Variants in BCL2 observed in about 807,000 individuals in gnomAD.
BCL2 encodes apoptosis regulator Bcl-2.
A neutral mutation model predicts 14.2 loss-of-function variants in BCL2; 1 was observed. The ratio of observed to expected loss-of-function variants is 0.07; its 90% confidence interval spans 0.02 to 0.33. The LOEUF (loss-of-function observed/expected upper bound fraction) is 0.33, where lower values mean the gene tolerates loss of function less well. Ranked by LOEUF, BCL2 falls within the 10% of genes least tolerant of loss-of-function variation. The pLI, the probability that BCL2 is intolerant of heterozygous loss-of-function variation, is 0.99. For missense variants in BCL2, 247 were observed against 305.9 expected, an observed-to-expected ratio of 0.81 and a Z score of 1.44; for synonymous variants, 151 against 137.2, an observed-to-expected ratio of 1.10 and a Z score of -0.70.
At chr18:63,239,599 G>T (rs1187285018) in intron 2 of BCL2, among the ~76,000 whole-genome samples, 3 of 152,126 alleles carry the variant, frequency 2.0e-5, no homozygotes, top group African/African-American at 7.2e-5. Flanking sequence ...AATTAGCCGG[G>T]CATGGCAATG....
In BCL2 at chr18:63,125,720, T is replaced by C. The variant is rs988500550; in HGVS notation, c.*2905A>G. On this transcript the variant is annotated 3_prime_UTR_variant, in exon 3 of 3. Coordinates refer to ENST00000333681, the MANE Select transcript of BCL2 (RefSeq NM_000633.3). ...AAAAAATGACTAGTTGAGGCTTTTA[T>C]ATACATTCATTGCTTCTAACATGTT... 1 of 214,052 alleles carries C rather than the reference T, an allele frequency of 4.7e-6. No homozygotes were observed. The highest frequency in any genetic ancestry group is 2.3e-5 in the African/African-American group (1 of 44,210). 13.3% of individuals were successfully genotyped at this position (214,052 alleles called of 1,614,324 possible). A position where few individuals can be genotyped will look rare whatever the true frequency, so the allele number is the denominator to read the frequency against.
intron 2 of BCL2, among the ~76,000 whole-genome samples, chr18:63,256,948 GA>G (rs1193311909): frequency 2.0e-5 from 3 of 152,124 alleles, no homozygotes; most frequent in African/African-American, 4.8e-5. Flanking sequence ...TGCCAAATGG[GA>G]AAAATGAGGG....
At chr18:63,226,620 A>G (rs1447179670) in intron 2 of BCL2, among the ~76,000 whole-genome samples, 1 of 152,208 alleles carries the variant, frequency 6.6e-6, no homozygotes, top group Admixed American at 6.5e-5. Flanking sequence ...TTGTGAAAAA[A>G]TACATGCTGT....
At chr18:63,159,528 T>C (rs1914865255) in intron 2 of BCL2, among the ~76,000 whole-genome samples, 1 of 152,214 alleles carries the variant, frequency 6.6e-6, no homozygotes, top group Non-Finnish European at 1.5e-5. Flanking sequence ...TACTTTCCAT[T>C]TTTACAAATG....
At chr18:63,171,015 G>C (rs887038659) in intron 2 of BCL2, among the ~76,000 whole-genome samples, 1 of 152,180 alleles carries the variant, frequency 6.6e-6, no homozygotes, top group African/African-American at 2.4e-5. Flanking sequence ...ATTTATTTTT[G>C]AAATAATGCT....
chr18:63,166,250 G>C (rs1370844248), intron 2 of BCL2, among the ~76,000 whole-genome samples: 1 of 152,232 alleles, frequency 6.6e-6, no homozygotes, highest in Non-Finnish European at 1.5e-5. Flanking sequence ...CCAGAGTGGG[G>C]AGAAGGATCC....
chr18:63,234,895 A>C (rs1365099519), intron 2 of BCL2, among the ~76,000 whole-genome samples: 1 of 152,242 alleles, frequency 6.6e-6, no homozygotes, highest in African/African-American at 2.4e-5. Flanking sequence ...CAACAAAATA[A>C]AATTACAAAA....
chr18:63,161,027 A>G (rs1295968453), intron 2 of BCL2, among the ~76,000 whole-genome samples: 1 of 152,186 alleles, frequency 6.6e-6, no homozygotes, highest in African/African-American at 2.4e-5. Flanking sequence ...TTATGCAGGA[A>G]GGAGTTTTTA....
chr18:63,292,040 T>C (rs919269619), intron 2 of BCL2, among the ~76,000 whole-genome samples: 8 of 152,192 alleles, frequency 5.3e-5, no homozygotes, highest in African/African-American at 1.2e-4. Context: ...CAGATCATGA[T>C]AGTGACAGTG....
At chr18:63,227,669 T>C (rs561869569) in intron 2 of BCL2, among the ~76,000 whole-genome samples, 1 of 152,338 alleles carries the variant, frequency 6.6e-6, no homozygotes, top group South Asian at 2.1e-4. Context: ...GCATGGTATA[T>C]AGAAAACATT....
chr18:63,145,455 G>T (rs1914486860), intron 2 of BCL2, among the ~76,000 whole-genome samples: 1 of 151,268 alleles, frequency 6.6e-6, no homozygotes, highest in South Asian at 2.1e-4. Context: ...TTCTTGCATG[G>T]TCTCTCTCCT....
chr18:63,243,176 C>T lies in BCL2; in HGVS notation c.585+74906G>A, dbSNP rs576237556. ...CACCATGGAATGAATACTTACTATA[C>T]AGCCATAAAAAAGAATTAGATCATG... On this transcript the variant is annotated intron_variant, in intron 2 of 2. Coordinates refer to ENST00000333681, the MANE Select transcript of BCL2 (RefSeq NM_000633.3). Among the ~76,000 whole-genome samples the T allele has an allele frequency of 3.4e-4, 52 of 152,292 alleles. 1 individual carries two copies. The South Asian group carries it at 0.01, about 30-fold the overall frequency.
At chr18:63,236,238 C>G (rs1910825899) in intron 2 of BCL2, among the ~76,000 whole-genome samples, 1 of 152,220 alleles carries the variant, frequency 6.6e-6, no homozygotes, top group South Asian at 2.1e-4. Context: ...TCCATTAAAA[C>G]TTTTTCTTTA....
At chr18:63,213,661 C>G (rs1204397589) in intron 2 of BCL2, among the ~76,000 whole-genome samples, 3 of 152,090 alleles carry the variant, frequency 2.0e-5, no homozygotes, top group African/African-American at 7.2e-5. Flanking sequence ...GAACCCTACT[C>G]ATGACTTTTC....
intron 2 of BCL2, among the ~76,000 whole-genome samples, chr18:63,130,710 G>C (rs893773112): frequency 2.0e-5 from 3 of 152,010 alleles, no homozygotes; most frequent in Non-Finnish European, 2.9e-5. Flanking sequence ...CATGTTTATA[G>C]TGTTTAAAAC....
rs971333141 is a variant in BCL2 at position 63,268,012 on chromosome 18, G to T, written c.585+50070C>A. 3.3e-5 allele frequency among the ~76,000 whole-genome samples: 5 copies of T among 152,202 alleles called. No homozygotes were observed. The East Asian group carries it at 7.7e-4, about 23-fold the overall frequency. On this transcript the variant is annotated intron_variant, in intron 2 of 2. Coordinates refer to ENST00000333681, the MANE Select transcript of BCL2 (RefSeq NM_000633.3). ...TGATCAGTCCCAGCTAATCAGCGGC[G>T]ATGCCTTTATTTTCTCTAACATTCC...
chr18:63,141,816 C>T (rs986516946), intron 2 of BCL2, among the ~76,000 whole-genome samples: 5 of 152,204 alleles, frequency 3.3e-5, no homozygotes, highest in Admixed American at 1.3e-4. Context: ...CAGGGATTGG[C>T]GACAGGCAAA....
At chr18:63,211,613 G>T (rs148434433) in intron 2 of BCL2, among the ~76,000 whole-genome samples, 1 of 152,146 alleles carries the variant, frequency 6.6e-6, no homozygotes, top group South Asian at 2.1e-4. Flanking sequence ...GTGCATGGGC[G>T]GGGGGCTCTG....
intron 2 of BCL2, among the ~76,000 whole-genome samples, chr18:63,179,597 G>A (rs1289018501): frequency 1.3e-5 from 2 of 152,164 alleles, no homozygotes; most frequent in Non-Finnish European, 2.9e-5. Context: ...TTGCGGTGCG[G>A]AAGGCAGGTA....
Sources: allele counts gnomAD v4.1 joint callset (sites outside exome capture counted in the v4.1 genomes callset), GRCh38; gene constraint gnomAD v4.1.1; transcripts MANE v1.5; gene names NCBI Gene and HGNC (gene_info 2026-07-23, HGNC 2026-07-21).